Variants in MYO3B observed in about 807,000 individuals in gnomAD.
MYO3B encodes the protein myosin IIIB.
In MYO3B, 156 loss-of-function variants were observed where a neutral mutation model predicts 174.6. The observed-to-expected ratio is 0.89, with a 90% CI of 0.78 to 1.02. The LOEUF (loss-of-function observed/expected upper bound fraction) is 1.02, where lower values mean the gene tolerates loss of function less well. Among genes scored for constraint, MYO3B ranks in the 50% least tolerant of loss-of-function variants. The pLI, the probability that MYO3B is intolerant of heterozygous loss-of-function variation, is 0.00. For synonymous variants in MYO3B, 563 were observed against 569.1 expected, an observed-to-expected ratio of 0.99 and a Z score of 0.15; for missense variants, 1,632 against 1,639.4, an observed-to-expected ratio of 1.00 and a Z score of 0.08.
chr2:170,225,633 G>A (rs2092944017), intron 6 of MYO3B, among the ~76,000 whole-genome samples: 1 of 152,152 alleles, frequency 6.6e-6, no homozygotes, highest in Non-Finnish European at 1.5e-5. Context: ...TTGTGGTTCA[G>A]TTATTTTAAT....
chr2:170,624,961 G>A (rs1013944205), intron 32 of MYO3B, among the ~76,000 whole-genome samples: 4 of 152,222 alleles, frequency 2.6e-5, no homozygotes, highest in Admixed American at 6.5e-5. Flanking sequence ...TGCTGGATTC[G>A]GTTTGCCAGT....
At chr2:170,632,779 T>TGC (rs1697122279) in intron 32 of MYO3B, among the ~76,000 whole-genome samples, 1 of 151,768 alleles carries the variant, frequency 6.6e-6, no homozygotes, top group Non-Finnish European at 1.5e-5. Flanking sequence ...CAAATAGACA[T>TGC]AATAAAAAAT....
chr2:170,564,615 G>A (rs6433219), intron 32 of MYO3B, among the ~76,000 whole-genome samples: 29,147 of 152,082 alleles, frequency 0.19, 3,301 homozygotes, highest in Non-Finnish European at 0.26. Context: ...CATGCTGATC[G>A]AAGTATAAAG....
chr2:170,353,092 A>T (rs1377764549), intron 8 of MYO3B, among the ~76,000 whole-genome samples: 2 of 152,250 alleles, frequency 1.3e-5, no homozygotes, highest in African/African-American at 4.8e-5. Flanking sequence ...ATATACACAT[A>T]AAAATCTGCA....
chr2:170,480,532 C>T (rs1455926149), intron 25 of MYO3B, among the ~76,000 whole-genome samples: 1 of 152,154 alleles, frequency 6.6e-6, no homozygotes, highest in African/African-American at 2.4e-5. Flanking sequence ...AAGAGCTGCT[C>T]CAGCAAATTA....
At chr2:170,540,690 A>G (rs1690041679) in intron 30 of MYO3B, among the ~76,000 whole-genome samples, 1 of 152,120 alleles carries the variant, frequency 6.6e-6, no homozygotes, top group Admixed American at 6.5e-5. Context: ...AACAGCAACA[A>G]CAACAACAAC....
intron 7 of MYO3B, among the ~76,000 whole-genome samples, chr2:170,274,233 A>G (rs1189947084): frequency 6.6e-6 from 1 of 152,146 alleles, no homozygotes; most frequent in African/African-American, 2.4e-5. Context: ...AGGTGAGACA[A>G]TAATATCCAG....
chr2:170,509,128 G>A (rs555095607), intron 28 of MYO3B, among the ~76,000 whole-genome samples: 11 of 152,262 alleles, frequency 7.2e-5, no homozygotes, highest in South Asian at 2.1e-4. Context: ...AGGCCGAGGC[G>A]GGTGGATCAC....
intron 32 of MYO3B, among the ~76,000 whole-genome samples, chr2:170,627,785 G>T (rs945285709): frequency 2.6e-5 from 4 of 152,236 alleles, no homozygotes; most frequent in Non-Finnish European, 5.9e-5. Context: ...ACCTTCAGCT[G>T]CAGGTCTGTT....
At chr2:170,600,464 A>G (rs1476950150) in intron 32 of MYO3B, among the ~76,000 whole-genome samples, 1 of 152,202 alleles carries the variant, frequency 6.6e-6, no homozygotes, top group African/African-American at 2.4e-5. Context: ...TGAAATGCAA[A>G]GTTTAAGTGT....
intron 32 of MYO3B, among the ~76,000 whole-genome samples, chr2:170,627,911 G>T (rs905990682): frequency 6.6e-6 from 1 of 152,178 alleles, no homozygotes; most frequent in Non-Finnish European, 1.5e-5. Context: ...TTTTCTGGAG[G>T]TTTCGTCTCA....
intron 32 of MYO3B, among the ~76,000 whole-genome samples, chr2:170,562,173 T>C (rs1208014703): frequency 1.3e-5 from 2 of 152,158 alleles, no homozygotes; most frequent in Non-Finnish European, 2.9e-5. Flanking sequence ...CTCTGCAAAG[T>C]GGTGGTAATG....
intron 22 of MYO3B, among the ~76,000 whole-genome samples, chr2:170,430,603 C>T (rs2094701304): frequency 6.6e-6 from 1 of 152,108 alleles, no homozygotes; most frequent in South Asian, 2.1e-4. Context: ...AACTCTTAAC[C>T]TCATGATCTG....
intron 23 of MYO3B, among the ~76,000 whole-genome samples, chr2:170,460,858 A>G (rs1209370942): frequency 1.3e-5 from 2 of 152,124 alleles, no homozygotes; most frequent in African/African-American, 4.8e-5. Context: ...TTTATATTTT[A>G]TTTGTGCAGA....
At chr2:170,342,846 G>T (rs1293378653) in intron 8 of MYO3B, among the ~76,000 whole-genome samples, 1 of 152,022 alleles carries the variant, frequency 6.6e-6, no homozygotes, top group Non-Finnish European at 1.5e-5. Context: ...CAGAGTTCAC[G>T]CTCAACCAGC....
chr2:170,349,000 A>G (rs944167147), intron 8 of MYO3B, among the ~76,000 whole-genome samples: 4 of 152,184 alleles, frequency 2.6e-5, no homozygotes, highest in Non-Finnish European at 4.4e-5. Flanking sequence ...ATCCTGCACA[A>G]AACAGTCAGT....
chr2:170,563,085 CACAT>C (rs1305086339), intron 32 of MYO3B, among the ~76,000 whole-genome samples: 3 of 147,068 alleles, frequency 2.0e-5, no homozygotes, highest in African/African-American at 5.1e-5. Flanking sequence ...ACACTACACA[CACAT>C]ACACTCTTTC....
intron 25 of MYO3B, among the ~76,000 whole-genome samples, chr2:170,485,416 CACACAGAGAGAG>C (rs1685980770): frequency 7.7e-6 from 1 of 129,234 alleles, no homozygotes; most frequent in Non-Finnish European, 1.7e-5. Flanking sequence ...CACACACACA[CACACAGAGAGAG>C]AGAGAGAGAG....
Position 170,382,016 on chromosome 2 carries a change from G to A in MYO3B, c.972G>A (p.Arg324=). 6.2e-7 allele frequency: 1 copy of A among 1,611,032 alleles called. No individual in the cohort carries two copies. The highest frequency in any genetic ancestry group is 8.5e-7 in the Non-Finnish European group (1 of 1,177,732). The part of the protein sequence containing the change: ...QKHQNPVAKT[R]HERMHTRRPY... ...TTAAACTCTCTTGATAAATTTCTAG[G>A]CATGAGAGGATGCATACCAGAAGAC... Residue 324 remains arginine (R), a splice_region_variant and synonymous_variant, in exon 10 of 35, where the codon AGG becomes AGA. Coordinates refer to ENST00000408978, the MANE Select transcript of MYO3B (RefSeq NM_138995.5).
Sources: gnomAD v4.1 joint callset for allele counts (sites outside exome capture counted in the v4.1 genomes callset) on GRCh38, gnomAD v4.1.1 for gene constraint, MANE v1.5 for transcripts, NCBI Gene and HGNC (gene_info 2026-07-23, HGNC 2026-07-21) for gene names.